The following NT5C2 variants were observed in gnomAD, a reference collection of about 807,000 sequenced individuals.
NT5C2 encodes cytosolic purine 5'-nucleotidase.
In NT5C2, 58 loss-of-function variants were observed where a neutral mutation model predicts 76.1. The ratio of observed to expected loss-of-function variants is 0.76; its 90% confidence interval spans 0.62 to 0.95. NT5C2 has a LOEUF of 0.95. Ranked by LOEUF, NT5C2 falls within the 40% of genes least tolerant of loss-of-function variation. The pLI is 0.00. For synonymous variants in NT5C2, 229 were observed against 237.4 expected, an observed-to-expected ratio of 0.96 and a Z score of 0.32; for missense variants, 478 against 690.3, an observed-to-expected ratio of 0.69 and a Z score of 3.45.
intron 1 of NT5C2, among the ~76,000 whole-genome samples, chr10:103,188,295 T>G (rs549163200): frequency 6.6e-6 from 1 of 152,094 alleles, no homozygotes; most frequent in East Asian, 1.9e-4. Context: ...GAGGTGGAAG[T>G]TGCAGTAAGC....
chr10:103,114,829 C>T (rs1245943283), intron 4 of NT5C2, among the ~76,000 whole-genome samples: 1 of 152,180 alleles, frequency 6.6e-6, no homozygotes, highest in East Asian at 1.9e-4. Context: ...CTGATTTCTT[C>T]ACTAGATTAT....
intron 4 of NT5C2, among the ~76,000 whole-genome samples, chr10:103,107,671 T>TAA (rs1398383469): frequency 7.0e-6 from 1 of 141,906 alleles, no homozygotes; most frequent in East Asian, 2.1e-4. Flanking sequence ...AGACTCTGTC[T>TAA]AAAAAAAAAA....
chr10:103,105,569 A>T, intron 6 of NT5C2, 137 bp downstream of exon 6: 1 of 628,900 alleles, frequency 1.6e-6, no homozygotes, highest in Non-Finnish European at 2.7e-6. Context: ...AATAACTGTT[A>T]ACTAACCTTA....
chr10:103,133,837 C>A (rs2078695845), intron 4 of NT5C2, among the ~76,000 whole-genome samples: 1 of 152,122 alleles, frequency 6.6e-6, no homozygotes, highest in African/African-American at 2.4e-5. Flanking sequence ...GCAACAAATT[C>A]TAGGCTGAGG....
chr10:103,109,966 C>T (rs1167123282), intron 4 of NT5C2, among the ~76,000 whole-genome samples: 1 of 152,150 alleles, frequency 6.6e-6, no homozygotes, highest in East Asian at 1.9e-4. Flanking sequence ...AGTGTTCAAC[C>T]GAAGTGACTT....
chr10:103,143,655 T>C (rs1473482702), intron 3 of NT5C2, among the ~76,000 whole-genome samples: 1 of 149,710 alleles, frequency 6.7e-6, no homozygotes, highest in Non-Finnish European at 1.5e-5. Context: ...TTGGAGACTT[T>C]TTTTAAAAAG....
rs1030900224 is a variant in NT5C2, at chr10:103,153,661, CT to C, written c.102-14183del. 1.4e-5 allele frequency: 14 copies of C among 985,384 alleles called. No homozygotes were observed. In the Admixed American group the frequency reaches 2.5e-4, roughly 17 times the overall value. 61.0% of individuals were successfully genotyped at this position (985,384 alleles called of 1,614,324 possible). A position where few individuals can be genotyped will look rare whatever the true frequency, so the allele number is the denominator to read the frequency against. On this transcript the variant is annotated intron_variant, in intron 3 of 18. Transcript: ENST00000404739. The stretch of plus-strand genomic sequence containing the variant: ...AACACAGAAAAAGCAAATTTACCCC[CT>C]AATGAGGCCCTCCAACAGTACGCAA...
intron 4 of NT5C2, among the ~76,000 whole-genome samples, chr10:103,131,907 G>A (rs1264398387): frequency 6.7e-6 from 1 of 148,798 alleles, no homozygotes. Flanking sequence ...GGGCAACAGA[G>A]TGAGACACTG....
At position 103,102,857 on chromosome 10, in the gene NT5C2, G is replaced by T. The variant is rs145905959; in HGVS notation, c.390-1531C>A. Among the ~76,000 whole-genome samples the T allele has an allele frequency of 2.0e-5, 3 of 152,066 alleles. No homozygotes were observed. In the East Asian group the frequency reaches 5.8e-4, roughly 29 times the overall value. On this transcript the variant is annotated intron_variant, in intron 6 of 18. Transcript: ENST00000404739. Reference sequence around the variant, plus strand: ...AAACAAAGGTCAAGAACTTAAAAGAGATTCAGCCTTGAGAGATAACTGAGA... The same window carrying T: ...AAACAAAGGTCAAGAACTTAAAAGATATTCAGCCTTGAGAGATAACTGAGA...
At chr10:103,172,046 C>T (rs970365308) in intron 3 of NT5C2, among the ~76,000 whole-genome samples, 1 of 151,728 alleles carries the variant, frequency 6.6e-6, no homozygotes, top group Non-Finnish European at 1.5e-5. Flanking sequence ...CCTGTCTCTA[C>T]TAAAAATTAA....
chr10:103,091,348 ACTT>A (rs1423162493), intron 16 of NT5C2, among the ~76,000 whole-genome samples: 3 of 146,898 alleles, frequency 2.0e-5, no homozygotes, highest in Non-Finnish European at 3.0e-5. Flanking sequence ...CCTGGAAAGA[ACTT>A]TTTTTTTTTT....
chr10:103,182,961 T>A (rs566814022), intron 1 of NT5C2, among the ~76,000 whole-genome samples: 1 of 152,070 alleles, frequency 6.6e-6, no homozygotes, highest in African/African-American at 2.4e-5. Context: ...TAACCTATAG[T>A]AGTTAGACAT....
At chr10:103,093,425 G>T in intron 14 of NT5C2, 116 bp from the exon 15 acceptor site, 1 of 910,092 alleles carries the variant, frequency 1.1e-6, no homozygotes, top group African/African-American at 1.7e-5. Context: ...GAACAGACTA[G>T]GAAGAATAGA....
intron 4 of NT5C2, among the ~76,000 whole-genome samples, chr10:103,138,807 G>A (rs1305212499): frequency 6.6e-6 from 1 of 152,170 alleles, no homozygotes; most frequent in East Asian, 1.9e-4. Flanking sequence ...AGGAGTTCGA[G>A]ATCAGCCTGG....
At chr10:103,138,263 T>C (rs1365287387) in intron 4 of NT5C2, among the ~76,000 whole-genome samples, 1 of 152,016 alleles carries the variant, frequency 6.6e-6, no homozygotes, top group African/African-American at 2.4e-5. Context: ...CATCTCTGAG[T>C]TTTTTGGGGT....
chr10:103,089,975 C>T, intron 18 of NT5C2, 67 bp from the exon 19 acceptor site: 1 of 1,318,658 alleles, frequency 7.6e-7, no homozygotes, highest in Non-Finnish European at 1.0e-6. Context: ...CAAATCCTAA[C>T]CCCTCTCCTC....
chr10:103,130,423 G>T (rs1269938143), intron 4 of NT5C2, among the ~76,000 whole-genome samples: 1 of 150,476 alleles, frequency 6.6e-6, no homozygotes, highest in South Asian at 2.1e-4. Flanking sequence ...ACTGCGGAAG[G>T]CCGCAGGGTC....
At chr10:103,155,280 G>T (rs567664453) in intron 3 of NT5C2, among the ~76,000 whole-genome samples, 1 of 152,198 alleles carries the variant, frequency 6.6e-6, no homozygotes, top group Non-Finnish European at 1.5e-5. Flanking sequence ...CTGAGTCTTA[G>T]AGATAGGATG....
intron 4 of NT5C2, among the ~76,000 whole-genome samples, chr10:103,130,881 C>T (rs2078040207): frequency 6.6e-6 from 1 of 152,146 alleles, no homozygotes; most frequent in African/African-American, 2.4e-5. Context: ...TCTTCTGTAG[C>T]CATCTTCAGG....
Sources: gnomAD v4.1 joint callset for allele counts (sites outside exome capture counted in the v4.1 genomes callset) on GRCh38, gnomAD v4.1.1 for gene constraint, MANE v1.5 for transcripts, NCBI Gene and HGNC (gene_info 2026-07-23, HGNC 2026-07-21) for gene names.